The following PSMD13 variants were observed in gnomAD, a reference collection of about 807,000 sequenced individuals.
The protein encoded by PSMD13 is proteasome 26S subunit, non-ATPase 13.
PSMD13 carries 8 observed loss-of-function variants against 57.4 expected under a neutral mutation model. The observed-to-expected ratio is 0.14, with a 90% CI of 0.08 to 0.25. The LOEUF (loss-of-function observed/expected upper bound fraction) is 0.25. Ranked by LOEUF, PSMD13 falls within the 10% of genes least tolerant of loss-of-function variation. PSMD13 has a pLI of 1.00. For missense variants in PSMD13, 400 were observed against 461.5 expected, an observed-to-expected ratio of 0.87 and a Z score of 1.22; for synonymous variants, 193 against 168.2, an observed-to-expected ratio of 1.15 and a Z score of -1.14.
At chr11:248,515 G>C in intron 7 of PSMD13, 1 of 484,170 alleles carries the variant, frequency 2.1e-6, no homozygotes. Context: ...TCCTGGAAGT[G>C]GCACAGCTGA....
rs2133982340 is a variant in PSMD13 at position 239,049 on chromosome 11, C to T, written c.147C>T (p.Cys49=). ...TGCTTGATTTTGTGCAGGATCCGTG[C>T]TTTGCCCAAGGAGATGGTCTCATTA... ...LQVLDFVQDP[C]FAQGDGLIKL... is the part of the protein sequence containing the mutation. The change falls in exon 2 of 13, where the codon TGC becomes TGT. Residue 49 remains cysteine (C), a synonymous_variant. Coordinates refer to ENST00000532097, the MANE Select transcript of PSMD13 (RefSeq NM_002817.4). 2 of 1,614,098 alleles carry T rather than the reference C, an allele frequency of 1.2e-6. No individual in the cohort carries two copies. The highest frequency in any genetic ancestry group is 4.5e-5 in the East Asian group (2 of 44,888).
rs202047499 is a variant in PSMD13 at position 247,454 on chromosome 11, C to T, written c.568+6C>T. 24 of 1,611,776 alleles carry T rather than the reference C, an allele frequency of 1.5e-5. No homozygotes were observed. The highest frequency in any genetic ancestry group is 1.5e-5 in the Non-Finnish European group (18 of 1,179,078). On this transcript the variant is annotated splice_donor_region_variant and intron_variant, in intron 7 of 12. Coordinates refer to ENST00000532097, the MANE Select transcript of PSMD13 (RefSeq NM_002817.4). ...TGACATCAAGGATCTACCAGGTAACCTAGGCCATTAAATCCATGTCACACA... is the reference window on the plus strand; with the variant it reads ...TGACATCAAGGATCTACCAGGTAACTTAGGCCATTAAATCCATGTCACACA...
chr11:250,693 T>C (rs1441650156), intron 9 of PSMD13, 110 bp from the exon 10 acceptor site: 9 of 902,520 alleles, frequency 1.0e-5, no homozygotes, highest in Non-Finnish European at 1.6e-5. Context: ...TGGATCTGCT[T>C]AGCTGGTTTT....
At chr11:249,614 C>T (rs966154395) in intron 9 of PSMD13, among the ~76,000 whole-genome samples, 1 of 12,208 alleles carries the variant, frequency 8.2e-5, no homozygotes. Flanking sequence ...GCGGCGGGTG[C>T]GGGGAGAGGG....
chr11:238,093 T>C (rs1020592944), intron 1 of PSMD13, among the ~76,000 whole-genome samples: 1 of 152,236 alleles, frequency 6.6e-6, no homozygotes, highest in Non-Finnish European at 1.5e-5. Context: ...TTATTAAATA[T>C]TAGCCTTTGG....
intron 7 of PSMD13, chr11:248,039 C>CAT (rs1223099814): frequency 6.6e-6 from 1 of 152,528 alleles, no homozygotes; most frequent in Non-Finnish European, 1.5e-5. Context: ...TAGGAAGCAC[C>CAT]ATGACGCCAA....
intron 1 of PSMD13, 126 bp from the exon 2 acceptor site, chr11:238,872 T>C (rs1859456894): frequency 1.1e-6 from 1 of 907,778 alleles, no homozygotes; most frequent in Admixed American, 2.0e-5. Context: ...ATTTTGAATT[T>C]TGGAGTTTTG....
At position 237,014 on chromosome 11, in the gene PSMD13, C is replaced by G. The variant is rs529977921; in HGVS notation, c.-36C>G. The G allele has an allele frequency of 4.5e-6, 7 of 1,549,818 alleles. No individual in the cohort carries two copies. The highest frequency in any genetic ancestry group is 2.2e-5 in the East Asian group (1 of 44,460). On this transcript the variant is annotated 5_prime_UTR_variant, in exon 1 of 13. Transcript: ENST00000532097. ...AGCCATCCCCGCGGTGCTGACATCCCGGTTGTTCTTCTGTGCCGGGGGTCT... is the reference window on the plus strand; with the variant it reads ...AGCCATCCCCGCGGTGCTGACATCCGGGTTGTTCTTCTGTGCCGGGGGTCT...
In PSMD13 at chr11:248,836, T is replaced by C. The variant is rs1478048148; in HGVS notation, c.629T>C (p.Val210Ala). The change falls in exon 8 of 13, where the codon GTT (valine) becomes GCT (alanine). Residue 210 changes from valine to alanine, a missense_variant. Transcript: ENST00000532097. Reference sequence around the variant, plus strand: ...CTAGCAGGACTTCTCGGCGAGGGAGTTTTTAACTTTGGAGAACTCGTAAGT... The same window carrying C: ...CTAGCAGGACTTCTCGGCGAGGGAGCTTTTAACTTTGGAGAACTCGTAAGT... ...LGLAGLLGEGVFNFGELLMHP... is the reference protein window; with the variant it reads ...LGLAGLLGEGAFNFGELLMHP... The C allele has an allele frequency of 6.2e-7, 1 of 1,610,584 alleles. No homozygotes were observed. The highest frequency in any genetic ancestry group is 2.2e-5 in the East Asian group (1 of 44,810).
chr11:237,246 C>A, intron 1 of PSMD13, 102 bp downstream of exon 1: 2 of 1,141,224 alleles, frequency 1.8e-6, no homozygotes, highest in Non-Finnish European at 2.5e-6. Flanking sequence ...GGCGCCCAGA[C>A]CCAAGTTGGG....
rs143959573 is a variant in PSMD13, at chr11:246,050, C to T, written c.397-1227C>T. 8.1e-3 allele frequency among the ~76,000 whole-genome samples: 1,239 copies of T among 152,252 alleles called. 13 individuals carry two copies. Among genetic ancestry groups the T allele is most frequent in the Middle Eastern group, 0.027 (8 of 294 alleles). ...GGCTCCCTCTCATGCCCATGCATTT[C>T]CTTGTCCTTCATTAAATAGGGGTGT... On this transcript the variant is annotated intron_variant, in intron 6 of 12. Coordinates refer to ENST00000532097, the MANE Select transcript of PSMD13 (RefSeq NM_002817.4).
chr11:241,213 G>A (rs764142920), intron 2 of PSMD13, among the ~76,000 whole-genome samples: 1 of 152,018 alleles, frequency 6.6e-6, no homozygotes, highest in African/African-American at 2.4e-5. Flanking sequence ...ATCTCAGCTC[G>A]CTGCAACCTC....
chr11:247,954 A>G (rs554869444), intron 7 of PSMD13: 1 of 153,076 alleles, frequency 6.5e-6, no homozygotes, highest in South Asian at 2.0e-4. Context: ...TTACATGAAA[A>G]TGAGGCTAAT....
At chr11:243,931 C>T (rs538340553) in intron 2 of PSMD13, 110 bp from the exon 3 acceptor site, 166 of 1,144,334 alleles carry the variant, frequency 1.5e-4, no homozygotes, top group Admixed American at 6.8e-4. Flanking sequence ...CTTGCACACT[C>T]CCAACTTGAT....
intron 6 of PSMD13, among the ~76,000 whole-genome samples, chr11:246,846 C>T (rs1859658036): frequency 6.6e-6 from 1 of 152,166 alleles, no homozygotes; most frequent in African/African-American, 2.4e-5. Flanking sequence ...TGTCAATTGC[C>T]TGTTAATGTC....
rs372391905 is a variant in PSMD13 at position 244,461 on chromosome 11, C to T, written c.301C>T (p.Arg101Cys). The change falls in exon 5 of 13, where the codon CGT becomes TGT. Residue 101 changes from arginine to cysteine, a missense_variant. Arg to Cys is a radical substitution (Grantham distance 180). Transcript: ENST00000532097. ...NVALTFLEKT[R>C]EKVKSSDEAV... ...GGCTCTTACTTTTCTGGAAAAGACT[C>T]GTGAGAAGGTAAATGTGGCATGTGG... The T allele has an allele frequency of 6.2e-6, 10 of 1,606,548 alleles. No individual in the cohort carries two copies. The South Asian group carries it at 6.6e-5, about 11-fold the overall frequency.
intron 6 of PSMD13, among the ~76,000 whole-genome samples, chr11:245,656 G>GTGTC (rs1282806356): frequency 7.2e-6 from 1 of 137,968 alleles, no homozygotes; most frequent in Non-Finnish European, 1.6e-5. Flanking sequence ...GTGTGTGTGT[G>GTGTC]TGTGTGTGTG....
intron 2 of PSMD13, among the ~76,000 whole-genome samples, chr11:242,362 C>G (rs1376571811): frequency 6.6e-6 from 1 of 150,960 alleles, no homozygotes; most frequent in Non-Finnish European, 1.5e-5. Flanking sequence ...GAACTCCATT[C>G]TGTTTGATTA....
intron 7 of PSMD13, 40 bp downstream of exon 7, chr11:247,488 T>G: frequency 6.3e-7 from 1 of 1,590,078 alleles, no homozygotes; most frequent in Non-Finnish European, 8.6e-7. Context: ...CAGGAGCATA[T>G]TCTCCAAACT....
Sources: allele counts gnomAD v4.1 joint callset (sites outside exome capture counted in the v4.1 genomes callset), GRCh38; gene constraint gnomAD v4.1.1; transcripts MANE v1.5; gene names NCBI Gene and HGNC (gene_info 2026-07-23, HGNC 2026-07-21).